PLEKHA5: variants seen among roughly 807,000 people sequenced by gnomAD.
The protein encoded by PLEKHA5 is pleckstrin homology domain containing A5.
A neutral mutation model predicts 181.9 loss-of-function variants in PLEKHA5; 55 were observed. The ratio of observed to expected loss-of-function variants is 0.30; its 90% CI spans 0.24 to 0.38. The LOEUF (loss-of-function observed/expected upper bound fraction) is 0.38. PLEKHA5 is among the 10% of genes least tolerant of loss of function. The probability of loss-of-function intolerance (pLI) is 1.00; values close to 1 mark genes in which losing one functional copy is unlikely to be tolerated. For missense variants in PLEKHA5, 1,432 were observed against 1,549.5 expected, an observed-to-expected ratio of 0.92 and a Z score of 1.27; for synonymous variants, 535 against 529.4, an observed-to-expected ratio of 1.01 and a Z score of -0.15.
intron 6 of PLEKHA5, 34 bp from the exon 7 acceptor site, chr12:19,260,915 A>G: frequency 1.6e-6 from 2 of 1,285,866 alleles, no homozygotes; most frequent in Non-Finnish European, 2.2e-6. Flanking sequence ...TTGTTGTTTG[A>G]GAAATAATCC....
At chr12:19,160,388 T>C (rs1028389401) in intron 3 of PLEKHA5, among the ~76,000 whole-genome samples, 4 of 152,108 alleles carry the variant, frequency 2.6e-5, no homozygotes, top group African/African-American at 9.6e-5. Flanking sequence ...CTTTAAGTTG[T>C]TATATTGCAA....
chr12:19,170,651 C>T (rs974955243), intron 3 of PLEKHA5, among the ~76,000 whole-genome samples: 1 of 152,212 alleles, frequency 6.6e-6, no homozygotes, highest in African/African-American at 2.4e-5. Context: ...ATCTCTTGAC[C>T]TCGTGATCCG....
At chr12:19,292,895 C>T (rs1344162181) in intron 15 of PLEKHA5, among the ~76,000 whole-genome samples, 2 of 152,090 alleles carry the variant, frequency 1.3e-5, no homozygotes, top group Non-Finnish European at 2.9e-5. Context: ...ACCAAGATCA[C>T]ACCACTGCAC....
At chr12:19,189,300 TAAG>T (rs1231101111) in intron 3 of PLEKHA5, among the ~76,000 whole-genome samples, 1 of 152,186 alleles carries the variant, frequency 6.6e-6, no homozygotes, top group Non-Finnish European at 1.5e-5. Context: ...GGAGAATAGT[TAAG>T]AAGCTATTGC....
intron 30 of PLEKHA5, among the ~76,000 whole-genome samples, chr12:19,368,185 C>T (rs1035458885): frequency 6.6e-6 from 1 of 152,072 alleles, no homozygotes; most frequent in South Asian, 2.1e-4. Context: ...TTTCCTTTGC[C>T]TCTGTCACTT....
chr12:19,343,379 G>A lies in PLEKHA5; in HGVS notation c.2607G>A (p.Gln869=). Residue 869 remains glutamine, a synonymous_variant, in exon 22 of 32, where the codon CAG becomes CAA. Coordinates refer to ENST00000429027, the MANE Select transcript of PLEKHA5 (RefSeq NM_001256470.2). ...AQIQKELWRI[Q]DVMEGLSKHK... is the part of the protein sequence containing the mutation. ...TTCAGAAAGAACTTTGGCGAATTCA[G>A]GATGTCATGGAAGGGCTGAGTAAAC... The A allele has an allele frequency of 6.2e-7, 1 of 1,613,738 alleles. No individual in the cohort carries two copies. Among genetic ancestry groups the A allele is most frequent in the Non-Finnish European group, 8.5e-7 (1 of 1,179,720 alleles).
In PLEKHA5 at chr12:19,369,803, G is replaced by C. The variant is rs140016877; in HGVS notation, c.*11+5G>C. 8.3e-5 allele frequency: 124 copies of C among 1,499,176 alleles called. No individual in the cohort carries two copies. The highest frequency in any genetic ancestry group is 1.1e-4 in the Non-Finnish European group (119 of 1,090,310). 92.9% of individuals were successfully genotyped at this position (1,499,176 alleles called of 1,614,324 possible). A position where few individuals can be genotyped will look rare whatever the true frequency, so the allele number is the denominator to read the frequency against. On this transcript the variant is annotated splice_donor_5th_base_variant and intron_variant, in intron 31 of 31. Coordinates refer to ENST00000429027, the MANE Select transcript of PLEKHA5 (RefSeq NM_001256470.2). ...GTGTGTGTAGTCTTAGAAGAAGTAC[G>C]TCATTTCCCTTTGCATTTGTGCTTT...
chr12:19,182,430 G>A (rs1167562515), intron 3 of PLEKHA5, among the ~76,000 whole-genome samples: 1 of 152,176 alleles, frequency 6.6e-6, no homozygotes, highest in Non-Finnish European at 1.5e-5. Context: ...TTGTATATGG[G>A]AACTTTAAAA....
intron 3 of PLEKHA5, among the ~76,000 whole-genome samples, chr12:19,189,012 AT>A (rs2050464563): frequency 6.6e-6 from 1 of 152,242 alleles, no homozygotes; most frequent in South Asian, 2.1e-4. Context: ...AAAGATAGAC[AT>A]TAGTCAAGTT....
intron 3 of PLEKHA5, among the ~76,000 whole-genome samples, chr12:19,160,352 T>A (rs1240152602): frequency 1.3e-5 from 2 of 152,102 alleles, no homozygotes; most frequent in Non-Finnish European, 2.9e-5. Context: ...ACTCCTTTCA[T>A]TCTTTTTAAA....
chr12:19,260,160 G>GAA (rs1264360655), intron 6 of PLEKHA5, among the ~76,000 whole-genome samples: 1 of 151,936 alleles, frequency 6.6e-6, no homozygotes, highest in Non-Finnish European at 1.5e-5. Flanking sequence ...ATAGGTGTAA[G>GAA]AAAAAAATGT....
At chr12:19,345,794 G>A in intron 22 of PLEKHA5, 48 bp from the exon 23 acceptor site, 1 of 897,880 alleles carries the variant, frequency 1.1e-6, no homozygotes, top group Non-Finnish European at 1.8e-6. Context: ...TTTTTTTATA[G>A]TATTAGAAAG....
chr12:19,370,451 G>A (rs2153317820), intron 31 of PLEKHA5, among the ~76,000 whole-genome samples: 1 of 152,216 alleles, frequency 6.6e-6, no homozygotes, highest in East Asian at 1.9e-4. Context: ...CTAGACAATT[G>A]CTAATTTTAA....
chr12:19,305,885 C>A (rs141784562), intron 15 of PLEKHA5, among the ~76,000 whole-genome samples: 7,732 of 38,474 alleles, frequency 0.2, 258 homozygotes, highest in Non-Finnish European at 0.28. Flanking sequence ...AAAAAAAAAA[C>A]AACTATGAAG....
At chr12:19,234,968 G>T (rs943912473) in intron 3 of PLEKHA5, among the ~76,000 whole-genome samples, 2 of 151,992 alleles carry the variant, frequency 1.3e-5, no homozygotes, top group Non-Finnish European at 2.9e-5. Context: ...TTGGCTTTTA[G>T]AACTGTGGAA....
In PLEKHA5 at chr12:19,141,429, G is replaced by A. The variant is rs558054888; in HGVS notation, c.227+8979G>A. On this transcript the variant is annotated intron_variant, in intron 3 of 31. Transcript: ENST00000429027. The stretch of plus-strand genomic sequence containing the variant: ...TTGGCAAGCCATCCAGAAACATACA[G>A]TTAGAGAGGAAGGCCCAGTTCATCA... Among the ~76,000 whole-genome samples the A allele has an allele frequency of 9.2e-5, 14 of 152,288 alleles. No individual in the cohort carries two copies. In the East Asian group the frequency reaches 2.5e-3, roughly 27 times the overall value.
intron 20 of PLEKHA5, among the ~76,000 whole-genome samples, chr12:19,325,551 G>T (rs2091899871): frequency 6.6e-6 from 1 of 151,936 alleles, no homozygotes; most frequent in Admixed American, 6.6e-5. Context: ...AGCCAGGTGT[G>T]GGGGCAGATG....
Position 19,366,072 on chromosome 12 carries a change from A to G in PLEKHA5, c.3717A>G (p.Ser1239=). The G allele has an allele frequency of 2.5e-6, 4 of 1,612,412 alleles. No individual in the cohort carries two copies. The highest frequency in any genetic ancestry group is 1.1e-5 in the South Asian group (1 of 90,754). ...EQEETVISYE[S]TPEVSRGNQT... is the part of the protein sequence containing the mutation. Reference sequence around the variant, plus strand: ...AAGAAACTGTTATTTCTTACGAATCAACTCCTGAGGTTTCTAGAGGAAATC... The same window carrying G: ...AAGAAACTGTTATTTCTTACGAATCGACTCCTGAGGTTTCTAGAGGAAATC... Residue 1239 remains serine, a synonymous_variant, in exon 30 of 32, where the codon TCA becomes TCG. Transcript: ENST00000429027.
chr12:19,363,500 T>C (rs1383556706), intron 29 of PLEKHA5, among the ~76,000 whole-genome samples: 4 of 150,438 alleles, frequency 2.7e-5, no homozygotes, highest in African/African-American at 4.9e-5. Context: ...AGCCTTCTTT[T>C]TTTTTTTTTG....
Sources: gnomAD v4.1 joint callset for allele counts (sites outside exome capture counted in the v4.1 genomes callset) on GRCh38, gnomAD v4.1.1 for gene constraint, MANE v1.5 for transcripts, NCBI Gene and HGNC (gene_info 2026-07-23, HGNC 2026-07-21) for gene names.